SAXO2: variants seen among roughly 807,000 people sequenced by gnomAD.
SAXO2 encodes stabilizer of axonemal microtubules 2, also known as family with sequence similarity 154, member B.
A neutral mutation model predicts 18.7 loss-of-function variants in SAXO2; 17 were observed. The observed-to-expected ratio is 0.91, with a 90% CI of 0.62 to 1.36. The LOEUF is 1.36. SAXO2 is among the 40% of genes most tolerant of loss of function. The probability of loss-of-function intolerance (pLI) is 0.00; values close to 1 mark genes in which losing one functional copy is unlikely to be tolerated. For missense variants in SAXO2, 486 were observed against 562.6 expected (o/e 0.86, Z 1.38); for synonymous variants, 163 against 181.2 (o/e 0.90, Z 0.81).
At chr15:82,273,592 T>C (rs2075290639) in intron 3 of SAXO2, among the ~76,000 whole-genome samples, 2 of 150,224 alleles carry the variant, frequency 1.3e-5, no homozygotes, top group Admixed American at 6.6e-5. Flanking sequence ...AAAGAACAAA[T>C]TGTGAAGACT....
intron 3 of SAXO2, among the ~76,000 whole-genome samples, chr15:82,273,830 C>T (rs980867271): frequency 1.1e-4 from 17 of 152,048 alleles, no homozygotes; most frequent in African/African-American, 2.9e-4. Flanking sequence ...CTCCGCCTCC[C>T]GGGTTCAAGT....
intron 1 of SAXO2, among the ~76,000 whole-genome samples, chr15:82,265,191 A>AG (rs1388014283): frequency 2.6e-5 from 4 of 152,150 alleles, no homozygotes; most frequent in African/African-American, 9.7e-5. Flanking sequence ...CCCAGGCTGG[A>AG]GTGCAGTGGC....
At chr15:82,280,984 G>T (rs11854157) in intron 3 of SAXO2, among the ~76,000 whole-genome samples, 4 of 151,980 alleles carry the variant, frequency 2.6e-5, no homozygotes, top group African/African-American at 2.4e-5. Flanking sequence ...AAATGGATAC[G>T]CATTTTTTCT....
At position 82,262,940 on chromosome 15, in the gene SAXO2, A is replaced by G. The variant is rs200971819; in HGVS notation, c.53+8A>G. 8.1e-6 allele frequency: 13 copies of G among 1,601,216 alleles called. No individual in the cohort carries two copies. The highest frequency in any genetic ancestry group is 1.6e-4 in the Middle Eastern group (1 of 6,068). ...TCAGATTTGTAGCTGCGGGTAAGAA[A>G]CGGCTGGTGTAGCGGCGGGCCCGGG... On this transcript the variant is annotated splice_region_variant and intron_variant, in intron 1 of 3. Coordinates refer to ENST00000682753, the MANE Select transcript of SAXO2 (RefSeq NM_001348699.2).
intron 2 of SAXO2, 144 bp from the exon 3 acceptor site, chr15:82,271,459 A>T: frequency 1.5e-6 from 1 of 659,652 alleles, no homozygotes; most frequent in African/African-American, 1.8e-5. Flanking sequence ...TCTTTCAAGT[A>T]GTTTATCAAC....
Position 82,282,509 on chromosome 15 carries a change from G to T in SAXO2, c.824G>T (p.Ser275Ile), listed in dbSNP as rs1320924047. 2 of 1,614,150 alleles carry T rather than the reference G, an allele frequency of 1.2e-6. No homozygotes were observed. The highest frequency in any genetic ancestry group is 2.2e-5 in the South Asian group (2 of 91,064). ...ACCCAGAATGCTCTGTTTGAAGGAA[G>T]CACTGAATTCCGTGAAAGTTTTCAA... Reference protein sequence around the residue: ...RVTQNALFEGSTEFRESFQPW... With the variant: ...RVTQNALFEGITEFRESFQPW... The change falls in exon 4 of 4, where the codon AGC becomes ATC. Residue 275 changes from serine (S) to isoleucine (I), a missense_variant. Ser to Ile is a moderately radical substitution (Grantham distance 142). Transcript: ENST00000682753.
intron 2 of SAXO2, among the ~76,000 whole-genome samples, chr15:82,268,381 A>C (rs2141363712): frequency 6.6e-6 from 1 of 152,354 alleles, no homozygotes; most frequent in Non-Finnish European, 1.5e-5. Context: ...TAATTTAAAA[A>C]ACAAAACAAA....
At chr15:82,267,446 A>T (rs536292398) in intron 2 of SAXO2, among the ~76,000 whole-genome samples, 3 of 152,180 alleles carry the variant, frequency 2.0e-5, no homozygotes, top group African/African-American at 7.2e-5. Context: ...GCTTTGCCCT[A>T]AGCATTTCCC....
chr15:82,270,482 C>A (rs2075260704), intron 2 of SAXO2, among the ~76,000 whole-genome samples: 1 of 152,156 alleles, frequency 6.6e-6, no homozygotes, highest in African/African-American at 2.4e-5. Context: ...GTGCTGGAAA[C>A]CAGACTGAAA....
Position 82,282,741 on chromosome 15 carries a change from G to T in SAXO2, c.1056G>T (p.Trp352Cys), listed in dbSNP as rs1182760469. The change falls in exon 4 of 4, where the codon TGG (tryptophan) becomes TGT (cysteine). Residue 352 changes from tryptophan to cysteine, a missense_variant. Trp to Cys is a radical substitution (Grantham distance 215). Transcript: ENST00000682753. ...KSIMKEDFPA[W>C]ESCRQGLIKK... ...TCATGAAAGAAGATTTTCCAGCATG[G>T]GAAAGTTGTCGTCAAGGACTTATTA... is the stretch of plus-strand genomic sequence containing the variant. 6.2e-7 allele frequency: 1 copy of T among 1,614,022 alleles called. No homozygotes were observed. Among genetic ancestry groups the T allele is most frequent in the Non-Finnish European group, 8.5e-7 (1 of 1,180,036 alleles).
intron 2 of SAXO2, among the ~76,000 whole-genome samples, chr15:82,267,398 A>C (rs2075229673): frequency 6.6e-6 from 1 of 152,234 alleles, no homozygotes; most frequent in African/African-American, 2.4e-5. Flanking sequence ...CATTTATCTC[A>C]GTGAGCAGAG....
At position 82,282,575 on chromosome 15, in the gene SAXO2, A is replaced by T; in HGVS notation, c.890A>T (p.Glu297Val). The T allele has an allele frequency of 6.2e-7, 1 of 1,614,206 alleles. No homozygotes were observed. Among genetic ancestry groups the T allele is most frequent in the Non-Finnish European group, 8.5e-7 (1 of 1,180,036 alleles). Reference sequence around the variant, plus strand: ...CCACCTGAGGTCAAGAAAGTACCAGAGTATGTGCCTCCTACAGGTAGCATG... The same window carrying T: ...CCACCTGAGGTCAAGAAAGTACCAGTGTATGTGCCTCCTACAGGTAGCATG... ...IPPPEVKKVP[E>V]YVPPTGSMLL... The change falls in exon 4 of 4, where the codon GAG becomes GTG. Residue 297 changes from glutamate (E) to valine (V), a missense_variant. Physicochemically the swap from Glu to Val is moderately radical, Grantham distance 121. Transcript: ENST00000682753.
At chr15:82,263,079 G>A (rs2075153019) in intron 1 of SAXO2, 147 bp downstream of exon 1, 2 of 1,509,980 alleles carry the variant, frequency 1.3e-6, no homozygotes, top group Non-Finnish European at 1.8e-6. Flanking sequence ...CACTTATCCC[G>A]CTCCGCGAAT....
chr15:82,263,007 C>T, intron 1 of SAXO2, 75 bp downstream of exon 1: 2 of 1,553,026 alleles, frequency 1.3e-6, no homozygotes, highest in Non-Finnish European at 1.7e-6. Context: ...GAGCCGGCTC[C>T]TCGGGAACCC....
At chr15:82,274,061 C>G (rs2075294791) in intron 3 of SAXO2, among the ~76,000 whole-genome samples, 2 of 151,978 alleles carry the variant, frequency 1.3e-5, no homozygotes, top group Non-Finnish European at 2.9e-5. Flanking sequence ...GTAAGATTTT[C>G]TTTTTTTCTA....
Position 82,268,373 on chromosome 15 carries a change from A to C in SAXO2, c.233+2625A>C, listed in dbSNP as rs565860442. ...TGACTTATTCAAGTAAGCCTTAATA[A>C]TTTAAAAAACAAAACAAAACAAGAA... On this transcript the variant is annotated intron_variant, in intron 2 of 3. Transcript: ENST00000682753. Among the ~76,000 whole-genome samples, 6 of 152,348 alleles carry C rather than the reference A, an allele frequency of 3.9e-5. No homozygotes were observed. The East Asian group carries it at 1.2e-3, about 29-fold the overall frequency.
Position 82,283,098 on chromosome 15 carries a change from G to C in SAXO2, c.*36G>C. ...GTGCTTAAAAGGAAGGTACTAGCAA[G>C]TTGTTGTTTTTCCAAGAGAAAACTC... On this transcript the variant is annotated 3_prime_UTR_variant, in exon 4 of 4. Transcript: ENST00000682753. The C allele has an allele frequency of 7.5e-7, 1 of 1,337,546 alleles. No individual in the cohort carries two copies. Among genetic ancestry groups the C allele is most frequent in the Non-Finnish European group, 9.7e-7 (1 of 1,028,308 alleles). The allele number at this position is 1,337,546 out of a possible 1,614,324, so 82.9% of individuals were successfully genotyped here.
intron 3 of SAXO2, among the ~76,000 whole-genome samples, chr15:82,278,144 T>C (rs2075331592): frequency 6.6e-6 from 1 of 152,086 alleles, no homozygotes; most frequent in Non-Finnish European, 1.5e-5. Context: ...TGCAACTTGA[T>C]GAAAGACAAA....
Position 82,265,743 on chromosome 15 carries a change from A to C in SAXO2, c.228A>C (p.Thr76=), listed in dbSNP as rs753705648. 7.9e-6 allele frequency: 12 copies of C among 1,523,214 alleles called. No individual in the cohort carries two copies. In the South Asian group the frequency reaches 1.4e-4, roughly 17 times the overall value. 94.4% of individuals were successfully genotyped at this position (1,523,214 alleles called of 1,614,324 possible). A position where few individuals can be genotyped will look rare whatever the true frequency, so the allele number is the denominator to read the frequency against. The change falls in exon 2 of 4, where the codon ACA becomes ACC. Residue 76 remains threonine, a synonymous_variant. Coordinates refer to ENST00000682753, the MANE Select transcript of SAXO2 (RefSeq NM_001348699.2). ...ATGGTAAAATGGAAGGAATAACTAC[A>C]TTTAAGTAAATATTTAGTAACTATT... is the stretch of plus-strand genomic sequence containing the variant. The part of the protein sequence containing the change: ...ACHGKMEGIT[T]FKSDYCPYEI...
Sources: gnomAD v4.1 joint callset for allele counts (sites outside exome capture counted in the v4.1 genomes callset) on GRCh38, gnomAD v4.1.1 for gene constraint, MANE v1.5 for transcripts, NCBI Gene and HGNC (gene_info 2026-07-23, HGNC 2026-07-21) for gene names.